Variants in RNF130 observed in about 807,000 individuals in gnomAD.
The protein encoded by RNF130 is E3 ubiquitin-protein ligase RNF130.
RNF130 carries 21 observed loss-of-function variants against 44.6 expected under a neutral mutation model. That is an observed-to-expected ratio of 0.47 (90% CI 0.33 to 0.68). The LOEUF is 0.68. RNF130 is among the 30% of genes least tolerant of loss of function. RNF130 has a pLI of 0.02. For synonymous variants in RNF130, 214 were observed against 210.4 expected (o/e 1.02, Z -0.15); for missense variants, 479 against 560.6 (o/e 0.85, Z 1.47).
intron 1 of RNF130, among the ~76,000 whole-genome samples, chr5:180,055,849 T>A (rs1376860685): frequency 6.6e-6 from 1 of 152,092 alleles, no homozygotes; most frequent in Admixed American, 6.6e-5. Flanking sequence ...TTTGGGAGGC[T>A]GAGGTGGGTG....
Position 179,996,133 on chromosome 5 carries a change from T to C in RNF130, c.694-15933A>G, listed in dbSNP as rs1337021297. On this transcript the variant is annotated intron_variant, in intron 3 of 8. Transcript: ENST00000521389. ...GTTTTTGTTTCCTCTTCAATTTCTG[T>C]CATCAGTGTTTTAGTTTTCCTTGCA... Among the ~76,000 whole-genome samples the C allele has an allele frequency of 2.0e-5, 3 of 152,318 alleles. No homozygotes were observed. In the East Asian group the frequency reaches 5.8e-4, roughly 29 times the overall value.
chr5:180,030,859 G>A (rs922465491), intron 2 of RNF130, among the ~76,000 whole-genome samples: 26 of 152,202 alleles, frequency 1.7e-4, no homozygotes, highest in African/African-American at 6.3e-4. Context: ...TGTGTCAAGA[G>A]TTAATTCCAT....
chr5:179,985,849 CT>C (rs1484771171), intron 3 of RNF130, among the ~76,000 whole-genome samples: 2 of 152,180 alleles, frequency 1.3e-5, no homozygotes, highest in African/African-American at 4.8e-5. Context: ...AAATAGGGCA[CT>C]TTCATCAATA....
chr5:180,069,523 G>A (rs776112188), intron 1 of RNF130, among the ~76,000 whole-genome samples: 2 of 152,090 alleles, frequency 1.3e-5, no homozygotes, highest in Non-Finnish European at 2.9e-5. Context: ...TTCACACCCA[G>A]TCTTCACACA....
chr5:180,029,139 T>G (rs879862188), intron 2 of RNF130, among the ~76,000 whole-genome samples: 2 of 152,210 alleles, frequency 1.3e-5, no homozygotes, highest in Non-Finnish European at 2.9e-5. Context: ...TTTCTCTATT[T>G]TAGAGGTACT....
intron 2 of RNF130, among the ~76,000 whole-genome samples, chr5:180,021,322 G>A (rs1057123373): frequency 6.6e-6 from 1 of 151,962 alleles, no homozygotes; most frequent in Non-Finnish European, 1.5e-5. Context: ...TTTGTGGCTC[G>A]TGGTTCTCTC....
chr5:179,984,158 T>C (rs1273808003), intron 3 of RNF130, among the ~76,000 whole-genome samples: 1 of 152,210 alleles, frequency 6.6e-6, no homozygotes, highest in East Asian at 1.9e-4. Flanking sequence ...CTACTGTTGG[T>C]CTTTTTCATA....
chr5:180,041,340 C>T (rs1764413875), intron 1 of RNF130, among the ~76,000 whole-genome samples: 1 of 152,144 alleles, frequency 6.6e-6, no homozygotes, highest in African/African-American at 2.4e-5. Flanking sequence ...TTACTGTATC[C>T]ATCTGTCTAA....
downstream of RNF130, among the ~76,000 whole-genome samples, chr5:179,951,243 A>G (rs1465433815): frequency 6.6e-6 from 1 of 152,250 alleles, no homozygotes; most frequent in African/African-American, 2.4e-5. Flanking sequence ...AACATAATTC[A>G]ACAATACTAG....
chr5:180,043,865 G>C (rs1764487363), intron 1 of RNF130, among the ~76,000 whole-genome samples: 1 of 152,098 alleles, frequency 6.6e-6, no homozygotes, highest in African/African-American at 2.4e-5. Flanking sequence ...AATAAGCAAG[G>C]ATAGGAAGCT....
intron 4 of RNF130, among the ~76,000 whole-genome samples, chr5:179,978,950 TAAGCC>T (rs1762772415): frequency 6.6e-6 from 1 of 152,220 alleles, no homozygotes; most frequent in Non-Finnish European, 1.5e-5. Flanking sequence ...GCCAGGAACC[TAAGCC>T]AAGAAAACAG....
chr5:180,015,636 A>G (rs1763706466), intron 2 of RNF130, among the ~76,000 whole-genome samples: 1 of 120,014 alleles, frequency 8.3e-6, no homozygotes, highest in South Asian at 2.9e-4. Context: ...GAGTAGGGAA[A>G]GGAGTAGGGA....
At chr5:180,055,670 C>T (rs2113168931) in intron 1 of RNF130, among the ~76,000 whole-genome samples, 1 of 152,316 alleles carries the variant, frequency 6.6e-6, no homozygotes, top group East Asian at 1.9e-4. Flanking sequence ...AAATGATCCA[C>T]TTTTTACTAA....
intron 7 of RNF130, among the ~76,000 whole-genome samples, chr5:179,946,797 A>T (rs987671824): frequency 6.6e-6 from 1 of 152,006 alleles, no homozygotes; most frequent in Non-Finnish European, 1.5e-5. Context: ...CTCGTGATCC[A>T]CCAGCCTCGG....
At chr5:180,061,497 G>A (rs1202826399) in intron 1 of RNF130, among the ~76,000 whole-genome samples, 8 of 152,196 alleles carry the variant, frequency 5.3e-5, no homozygotes, top group African/African-American at 1.7e-4. Context: ...AGTCTGGTGT[G>A]AGCAGGGCTG....
intron 2 of RNF130, among the ~76,000 whole-genome samples, chr5:180,035,134 A>G (rs1764217058): frequency 6.6e-6 from 1 of 152,152 alleles, no homozygotes. Context: ...TCCAAAGGCA[A>G]AAGTATCTTT....
chr5:180,059,879 C>G (rs1039834327), intron 1 of RNF130, among the ~76,000 whole-genome samples: 3 of 152,166 alleles, frequency 2.0e-5, no homozygotes, highest in African/African-American at 7.2e-5. Context: ...CAGGACCTGT[C>G]AGTGAATACA....
At position 179,978,408 on chromosome 5, in the gene RNF130, G is replaced by T. The variant is rs1275922814; in HGVS notation, c.766-123C>A. ...AAGCAAGTGTTATAAACTGAAAAAT[G>T]ATTAAAATTATTTTGTTTTTATTTG... On this transcript the variant is annotated intron_variant, in intron 4 of 8. Coordinates refer to ENST00000521389, the MANE Select transcript of RNF130 (RefSeq NM_018434.6). 5 of 617,098 alleles carry T rather than the reference G, an allele frequency of 8.1e-6. No individual in the cohort carries two copies. The South Asian group carries it at 8.8e-5, about 11-fold the overall frequency. The allele number at this position is 617,098 out of a possible 1,614,324, so 38.2% of individuals were successfully genotyped here.
At position 179,977,905 on chromosome 5, in the gene RNF130, C is replaced by T. The variant is rs925695917; in HGVS notation, c.848+298G>A. Among the ~76,000 whole-genome samples the T allele has an allele frequency of 6.6e-5, 10 of 152,186 alleles. No individual in the cohort carries two copies. Among genetic ancestry groups the T allele is most frequent in the Admixed American group, 2.0e-4 (3 of 15,286 alleles). On this transcript the variant is annotated intron_variant, in intron 5 of 8. Coordinates refer to ENST00000521389, the MANE Select transcript of RNF130 (RefSeq NM_018434.6). The surrounding 1 kb of genome is among the most constrained non-coding windows in gnomAD (Gnocchi z 4.1). ...AAGAAAACAAACATAAAAAGATAAA[C>T]GAAACCATAGAACAAGAATTCTCGA...
Sources: gnomAD v4.1 joint callset for allele counts (sites outside exome capture counted in the v4.1 genomes callset) on GRCh38, gnomAD v4.1.1 for gene constraint, Gnocchi (gnomAD v3.1) non-coding constraint, MANE v1.5 for transcripts, NCBI Gene and HGNC (gene_info 2026-07-23, HGNC 2026-07-21) for gene names.